The following ASXL3 variants were observed in gnomAD, a reference collection of about 807,000 sequenced individuals.
ASXL3 encodes the protein putative Polycomb group protein ASXL3.
ASXL3 carries 34 observed loss-of-function variants against 170.6 expected under a neutral mutation model. The ratio of observed to expected loss-of-function variants is 0.20; its 90% CI spans 0.15 to 0.27. The LOEUF is 0.27. Ranked by LOEUF, ASXL3 falls within the 10% of genes least tolerant of loss-of-function variation. ASXL3 has a pLI of 1.00. For missense variants in ASXL3, 2,592 were observed against 2,695.3 expected, an observed-to-expected ratio of 0.96 and a Z score of 0.85; for synonymous variants, 1,002 against 989.1, an observed-to-expected ratio of 1.01 and a Z score of -0.24.
Position 33,744,295 on chromosome 18 carries a change from T to G in ASXL3, c.4447T>G (p.Ser1483Ala). The change falls in exon 12 of 12, where the codon TCC (serine) becomes GCC (alanine). Residue 1483 changes from serine (S) to alanine (A), a missense_variant. By Grantham distance (99) the Ser-to-Ala change is moderately conservative (BLOSUM62 1). This residue lies in a region of ASXL3 where 2,246 missense variants were observed against 2,219.6 expected (regional missense o/e 1.01). Coordinates refer to ENST00000269197, the MANE Select transcript of ASXL3 (RefSeq NM_030632.3). The part of the protein sequence containing the change: ...VIVDHSTTLT[S>A]SLSLTVSVES... Reference sequence around the variant, plus strand: ...CGTTGACCACAGCACCACGCTGACCTCCAGTTTGTCTCTGACTGTCTCCGT... The same window carrying G: ...CGTTGACCACAGCACCACGCTGACCGCCAGTTTGTCTCTGACTGTCTCCGT... 6.2e-7 allele frequency: 1 copy of G among 1,613,990 alleles called. No homozygotes were observed. The highest frequency in any genetic ancestry group is 8.5e-7 in the Non-Finnish European group (1 of 1,179,886).
intron 8 of ASXL3, among the ~76,000 whole-genome samples, chr18:33,730,213 A>T (rs995242593): frequency 2.0e-5 from 3 of 152,048 alleles, no homozygotes; most frequent in Non-Finnish European, 4.4e-5. Context: ...GGTGCCAAAC[A>T]TCCGACATTA....
At chr18:33,698,621 A>G (rs1362430175) in intron 8 of ASXL3, among the ~76,000 whole-genome samples, 1 of 152,152 alleles carries the variant, frequency 6.6e-6, no homozygotes, top group Non-Finnish European at 1.5e-5. Context: ...AGGGCTTAAG[A>G]TGAAAGTCTG....
rs1555717840 is a variant in ASXL3 at position 33,601,785 on chromosome 18, G to GTATATATATATATATA, written c.55-5799_55-5798insTATATATATATATATA. Among the ~76,000 whole-genome samples, 144 of 103,930 alleles carry GTATATATATATATATA rather than the reference G, an allele frequency of 1.4e-3. 26 individuals are homozygous for GTATATATATATATATA. The highest frequency in any genetic ancestry group is 1.9e-3 in the Non-Finnish European group (86 of 44,800). The allele number at this position is 103,930 out of a possible 152,430, so 68.2% of individuals were successfully genotyped here. A position where few individuals can be genotyped will look rare whatever the true frequency, so the allele number is the denominator to read the frequency against. ...TGAGAATTTAAGTAAATATCTGATT[G>GTATATATATATATATA]TATATATATAGTTTGTTTGTTTTGA... is the stretch of plus-strand genomic sequence containing the variant. On this transcript the variant is annotated intron_variant, in intron 1 of 11. Transcript: ENST00000269197.
chr18:33,694,331 A>T (rs965005034), intron 8 of ASXL3, among the ~76,000 whole-genome samples: 11 of 152,180 alleles, frequency 7.2e-5, no homozygotes, highest in African/African-American at 2.4e-4. Flanking sequence ...ACTTTATAAA[A>T]TGTGTCTACG....
chr18:33,738,542 G>C lies in ASXL3; in HGVS notation c.1138G>C (p.Gly380Arg). 2 of 1,613,710 alleles carry C rather than the reference G, an allele frequency of 1.2e-6. No homozygotes were observed. The highest frequency in any genetic ancestry group is 1.7e-6 in the Non-Finnish European group (2 of 1,179,790). The change falls in exon 11 of 12, where the codon GGA (glycine) becomes CGA (arginine). Residue 380 changes from glycine (G) to arginine (R), a missense_variant. Physicochemically the swap from Gly to Arg is moderately radical, Grantham distance 125 (BLOSUM62 -2). Coordinates refer to ENST00000269197, the MANE Select transcript of ASXL3 (RefSeq NM_030632.3). ...VKLTTGPNNA[G>R]AQSSSSCGTS... ...GCTCACTACTGGACCAAACAACGCT[G>C]GAGCTCAAAGTAGTTCTTCATGTGG...
At chr18:33,651,353 A>G (rs2065995331) in intron 4 of ASXL3, among the ~76,000 whole-genome samples, 1 of 152,138 alleles carries the variant, frequency 6.6e-6, no homozygotes, top group Non-Finnish European at 1.5e-5. Context: ...CTACAGCTGT[A>G]CAAATATACT....
At chr18:33,612,541 A>C (rs2065352337) in intron 2 of ASXL3, among the ~76,000 whole-genome samples, 1 of 151,888 alleles carries the variant, frequency 6.6e-6, no homozygotes, top group Non-Finnish European at 1.5e-5. Context: ...ATTTATTTTT[A>C]CCTCATTTTG....
chr18:33,580,568 T>C (rs2064983438), intron 1 of ASXL3, among the ~76,000 whole-genome samples: 1 of 152,236 alleles, frequency 6.6e-6, no homozygotes, highest in South Asian at 2.1e-4. Flanking sequence ...TCTGATGGAA[T>C]TTAAAGCTAG....
At chr18:33,682,148 T>C (rs758756887) in intron 7 of ASXL3, among the ~76,000 whole-genome samples, 16 of 152,240 alleles carry the variant, frequency 1.1e-4, no homozygotes, top group Non-Finnish European at 1.9e-4. Context: ...CCAGGTGATT[T>C]CTGTGACAAC....
At chr18:33,713,229 GTTTTTT>G (rs1478922106) in intron 8 of ASXL3, among the ~76,000 whole-genome samples, 1 of 81,770 alleles carries the variant, frequency 1.2e-5, no homozygotes, top group Non-Finnish European at 2.1e-5. Context: ...CCACAAGAAG[GTTTTTT>G]TTGTTTTGTT....
intron 4 of ASXL3, among the ~76,000 whole-genome samples, chr18:33,650,687 A>G (rs2065983537): frequency 6.6e-6 from 1 of 152,136 alleles, no homozygotes; most frequent in Non-Finnish European, 1.5e-5. Flanking sequence ...ACCAAATAAC[A>G]CATACCCAAA....
chr18:33,611,073 A>G (rs2145130980), intron 2 of ASXL3, among the ~76,000 whole-genome samples: 1 of 152,186 alleles, frequency 6.6e-6, no homozygotes, highest in East Asian at 1.9e-4. Context: ...GTGAAATTTG[A>G]CATTGTATGC....
At chr18:33,675,699 C>T (rs2066414174) in intron 7 of ASXL3, among the ~76,000 whole-genome samples, 1 of 152,028 alleles carries the variant, frequency 6.6e-6, no homozygotes, top group East Asian at 1.9e-4. Context: ...CTGTGCAAGG[C>T]CTGAGTTTCA....
chr18:33,656,640 G>A (rs545252254), intron 4 of ASXL3, among the ~76,000 whole-genome samples: 6 of 152,012 alleles, frequency 3.9e-5, no homozygotes, highest in East Asian at 1.9e-4. Flanking sequence ...GACTTTACTC[G>A]TTAAATAAGA....
chr18:33,599,927 TG>T (rs2065166313), intron 1 of ASXL3, among the ~76,000 whole-genome samples: 1 of 152,062 alleles, frequency 6.6e-6, no homozygotes, highest in Non-Finnish European at 1.5e-5. Context: ...AGGTGGCTGC[TG>T]AAAAAAAGCA....
rs150752638 is a variant in ASXL3, at chr18:33,581,472, A to AGTGTGTGTGTGTGTGTGTGT, written c.54+2797_54+2816dup. 5.2e-3 allele frequency among the ~76,000 whole-genome samples: 758 copies of AGTGTGTGTGTGTGTGTGTGT among 145,276 alleles called. 4 individuals are homozygous for AGTGTGTGTGTGTGTGTGTGT. Among genetic ancestry groups the AGTGTGTGTGTGTGTGTGTGT allele is most frequent in the Middle Eastern group, 0.014 (4 of 290 alleles). ...TATATATATCTTTCTTGCTGGAGTG[A>AGTGTGTGTGTGTGTGTGTGT]GTGTGTGTGTGTGTGTGTGTGTGTG... On this transcript the variant is annotated intron_variant, in intron 1 of 11. Coordinates refer to ENST00000269197, the MANE Select transcript of ASXL3 (RefSeq NM_030632.3).
At chr18:33,715,001 G>A (rs1367936688) in intron 8 of ASXL3, among the ~76,000 whole-genome samples, 1 of 152,144 alleles carries the variant, frequency 6.6e-6, no homozygotes, top group Non-Finnish European at 1.5e-5. Context: ...GAGAGTGAAC[G>A]AAGGTGTAGG....
At position 33,743,317 on chromosome 18, in the gene ASXL3, G is replaced by A. The variant is rs1221510683; in HGVS notation, c.3469G>A (p.Gly1157Ser). ...TGAAACAAAAATGGAAGGTTCGACT[G>A]GTGTCATTATTGTCAATCCAAACTG... is the stretch of plus-strand genomic sequence containing the variant. ...TPETKMEGST[G>S]VIIVNPNCRS... The change falls in exon 12 of 12, where the codon GGT (glycine) becomes AGT (serine). Residue 1157 changes from glycine to serine, a missense_variant. Gly to Ser is a moderately conservative substitution (Grantham distance 56). Coordinates refer to ENST00000269197, the MANE Select transcript of ASXL3 (RefSeq NM_030632.3). The A allele has an allele frequency of 3.7e-6, 6 of 1,613,862 alleles. No individual in the cohort carries two copies. Among genetic ancestry groups the A allele is most frequent in the Non-Finnish European group, 4.2e-6 (5 of 1,179,840 alleles).
chr18:33,713,273 T>TC (rs2067106945), intron 8 of ASXL3, among the ~76,000 whole-genome samples: 9 of 119,062 alleles, frequency 7.6e-5, no homozygotes, highest in Non-Finnish European at 1.4e-4. Flanking sequence ...TTTTTTTTTT[T>TC]TGAGACAGGG....
Sources: gnomAD v4.1 joint callset for allele counts (sites outside exome capture counted in the v4.1 genomes callset) on GRCh38, gnomAD v4.1.1 for gene constraint, gnomAD v4.1.1 regional missense constraint, MANE v1.5 for transcripts, NCBI Gene and HGNC (gene_info 2026-07-23, HGNC 2026-07-21) for gene names.